Variants in SLC35F1 observed in about 807,000 individuals in gnomAD.
SLC35F1 encodes chromosome 6 open reading frame 169.
In SLC35F1, 14 loss-of-function variants were observed where a neutral mutation model predicts 48.7. That is an observed-to-expected ratio of 0.29 (90% CI 0.19 to 0.45). The LOEUF is 0.45. Among genes scored for constraint, SLC35F1 ranks in the 20% least tolerant of loss-of-function variants. SLC35F1 has a pLI of 1.00. For missense variants in SLC35F1, 404 were observed against 500.0 expected (o/e 0.81, Z 1.83); for synonymous variants, 190 against 202.2 (o/e 0.94, Z 0.51).
chr6:118,273,701 C>T (rs1775886419), intron 4 of SLC35F1, among the ~76,000 whole-genome samples: 3 of 152,132 alleles, frequency 2.0e-5, no homozygotes, highest in African/African-American at 4.8e-5. Context: ...AAAGATCTGC[C>T]CAGGGACCTC....
intron 1 of SLC35F1, among the ~76,000 whole-genome samples, chr6:118,035,568 C>G (rs1321414393): frequency 2.7e-5 from 4 of 149,616 alleles, no homozygotes; most frequent in Non-Finnish European, 5.9e-5. Flanking sequence ...GAGCTGAGAT[C>G]GTGCCAGTGC....
intron 2 of SLC35F1, among the ~76,000 whole-genome samples, chr6:118,169,982 C>A (rs968005946): frequency 4.6e-5 from 7 of 152,166 alleles, no homozygotes; most frequent in African/African-American, 1.7e-4. Flanking sequence ...CAAAGATGTA[C>A]TATGCTAATT....
At chr6:118,255,845 A>T (rs1775636442) in intron 3 of SLC35F1, among the ~76,000 whole-genome samples, 1 of 152,230 alleles carries the variant, frequency 6.6e-6, no homozygotes, top group Non-Finnish European at 1.5e-5. Context: ...CTCTTGGACA[A>T]TGTGATGGAA....
chr6:117,992,309 G>A lies in SLC35F1; in HGVS notation c.173+84410G>A, dbSNP rs191797989. 3.7e-4 allele frequency among the ~76,000 whole-genome samples: 57 copies of A among 152,170 alleles called. No individual in the cohort carries two copies. In the East Asian group the frequency reaches 0.011, roughly 29 times the overall value. ...TTCTTGAGTTTGGGAAATGAAAAAGGATGGTGTAAAAAAATCAACCAAAAA... is the reference window on the plus strand; with the variant it reads ...TTCTTGAGTTTGGGAAATGAAAAAGAATGGTGTAAAAAAATCAACCAAAAA... On this transcript the variant is annotated intron_variant, in intron 1 of 7. Coordinates refer to ENST00000360388, the MANE Select transcript of SLC35F1 (RefSeq NM_001029858.4).
intron 3 of SLC35F1, among the ~76,000 whole-genome samples, chr6:118,252,385 G>A (rs1775585592): frequency 6.6e-6 from 1 of 152,048 alleles, no homozygotes; most frequent in Non-Finnish European, 1.5e-5. Flanking sequence ...GGGGAAGTTG[G>A]AAAGAAAAGA....
At position 117,914,136 on chromosome 6, in the gene SLC35F1, A is replaced by ATCTG. The variant is rs1160136334; in HGVS notation, c.173+6241_173+6244dup. Among the ~76,000 whole-genome samples, 67 of 144,866 alleles carry ATCTG rather than the reference A, an allele frequency of 4.6e-4. 1 individual carries two copies. Among genetic ancestry groups the ATCTG allele is most frequent in the East Asian group, 2.0e-4 (1 of 4,974 alleles). ...TATCTATCTATCTATCTATCTATCT[A>ATCTG]TCTGTCTATCCACATATATACACAC... On this transcript the variant is annotated intron_variant, in intron 1 of 7. Coordinates refer to ENST00000360388, the MANE Select transcript of SLC35F1 (RefSeq NM_001029858.4).
At chr6:117,915,139 A>G (rs1261581501) in intron 1 of SLC35F1, among the ~76,000 whole-genome samples, 1 of 152,186 alleles carries the variant, frequency 6.6e-6, no homozygotes, top group African/African-American at 2.4e-5. Flanking sequence ...GATTTAAAAT[A>G]TGCAAGAGTA....
chr6:118,275,708 G>T, intron 5 of SLC35F1, 93 bp downstream of exon 5: 1 of 1,213,362 alleles, frequency 8.2e-7, no homozygotes, highest in Admixed American at 2.1e-5. Context: ...ATCAAGGCTG[G>T]AATCCAGACA....
At chr6:118,075,429 G>A (rs1391965706) in intron 1 of SLC35F1, among the ~76,000 whole-genome samples, 2 of 152,110 alleles carry the variant, frequency 1.3e-5, no homozygotes, top group Non-Finnish European at 2.9e-5. Context: ...CACATTTTGT[G>A]GTCACATATC....
At chr6:118,223,228 G>T (rs769173775) in intron 2 of SLC35F1, among the ~76,000 whole-genome samples, 1 of 152,148 alleles carries the variant, frequency 6.6e-6, no homozygotes, top group African/African-American at 2.4e-5. Context: ...ATAATAAAAA[G>T]CCAGGAGAGA....
At chr6:118,175,633 G>A (rs205944) in intron 2 of SLC35F1, among the ~76,000 whole-genome samples, 25,036 of 152,072 alleles carry the variant, frequency 0.16, 5,819 homozygotes, top group African/African-American at 0.52. Context: ...TAGTTTCATT[G>A]ATCAGCCTCA....
chr6:118,221,498 A>G (rs1775150456), intron 2 of SLC35F1, among the ~76,000 whole-genome samples: 1 of 152,194 alleles, frequency 6.6e-6, no homozygotes, highest in South Asian at 2.1e-4. Context: ...CCTAAAGAGT[A>G]TAATACTACC....
chr6:118,209,675 T>C (rs1033611879), intron 2 of SLC35F1, among the ~76,000 whole-genome samples: 2 of 152,064 alleles, frequency 1.3e-5, no homozygotes, highest in Non-Finnish European at 2.9e-5. Flanking sequence ...ATATATATTG[T>C]CTTCTTTTTG....
At chr6:117,943,598 A>G (rs1001589094) in intron 1 of SLC35F1, among the ~76,000 whole-genome samples, 5 of 152,212 alleles carry the variant, frequency 3.3e-5, no homozygotes, top group Non-Finnish European at 5.9e-5. Context: ...ATTATCTTTC[A>G]ATGGAAATTT....
intron 1 of SLC35F1, among the ~76,000 whole-genome samples, chr6:118,048,559 T>C (rs1164143967): frequency 5.3e-5 from 8 of 152,166 alleles, no homozygotes; most frequent in Non-Finnish European, 1.5e-5. Flanking sequence ...AGCATTCTTA[T>C]ACACCAATAA....
intron 7 of SLC35F1, among the ~76,000 whole-genome samples, chr6:118,310,059 A>G (rs897892666): frequency 6.6e-6 from 1 of 152,238 alleles, no homozygotes; most frequent in Non-Finnish European, 1.5e-5. Flanking sequence ...TATAGGATGT[A>G]TCCTTTCTCA....
intron 7 of SLC35F1, among the ~76,000 whole-genome samples, chr6:118,296,431 A>G (rs1049349184): frequency 6.6e-6 from 1 of 152,120 alleles, no homozygotes; most frequent in Non-Finnish European, 1.5e-5. Context: ...CACACCTAAT[A>G]ATTGCAAGGG....
At chr6:117,924,579 G>A (rs1484947126) in intron 1 of SLC35F1, among the ~76,000 whole-genome samples, 2 of 140,836 alleles carry the variant, frequency 1.4e-5, no homozygotes, top group African/African-American at 5.2e-5. Context: ...TAAAGTTTCT[G>A]TTAACCTAGT....
intron 1 of SLC35F1, among the ~76,000 whole-genome samples, chr6:117,947,383 G>A (rs1011854871): frequency 5.3e-4 from 80 of 152,254 alleles, no homozygotes; most frequent in African/African-American, 1.7e-3. Flanking sequence ...GAAGGGCCCC[G>A]CAAACCATTG....
Sources: allele counts gnomAD v4.1 joint callset (sites outside exome capture counted in the v4.1 genomes callset), GRCh38; gene constraint gnomAD v4.1.1; transcripts MANE v1.5; gene names NCBI Gene and HGNC (gene_info 2026-07-23, HGNC 2026-07-21).